The following PRKCE variants were observed in gnomAD, a reference collection of about 807,000 sequenced individuals.
The protein encoded by PRKCE is protein kinase C epsilon type.
A neutral mutation model predicts 85.4 loss-of-function variants in PRKCE; 16 were observed. The ratio of observed to expected loss-of-function variants is 0.19; its 90% CI spans 0.13 to 0.28. The LOEUF (loss-of-function observed/expected upper bound fraction) is 0.28, where lower values mean the gene tolerates loss of function less well. Ranked by LOEUF, PRKCE falls within the 10% of genes least tolerant of loss-of-function variation. The pLI is 1.00. For missense variants in PRKCE, 573 were observed against 975.2 expected, an observed-to-expected ratio of 0.59 and a Z score of 5.49; for synonymous variants, 388 against 371.5, an observed-to-expected ratio of 1.04 and a Z score of -0.51.
intron 10 of PRKCE, among the ~76,000 whole-genome samples, chr2:46,017,489 ATGAATAATGC>A (rs1706268805): frequency 6.6e-6 from 1 of 152,220 alleles, no homozygotes; most frequent in East Asian, 1.9e-4. Flanking sequence ...TTTGGCTACT[ATGAATAATGC>A]TGCTGTGAAC....
chr2:45,937,512 A>G (rs1216995617), intron 2 of PRKCE, among the ~76,000 whole-genome samples: 1 of 152,204 alleles, frequency 6.6e-6, no homozygotes, highest in African/African-American at 2.4e-5. Flanking sequence ...GGAGATGAAG[A>G]CCATCCTGGC....
rs777310331 is a variant in PRKCE at position 46,059,243 on chromosome 2, G to C, written c.1438-26965G>C. 6.6e-4 allele frequency among the ~76,000 whole-genome samples: 100 copies of C among 151,980 alleles called. 1 individual carries two copies. The highest frequency in any genetic ancestry group is 1.9e-4 in the Non-Finnish European group (13 of 68,012). On this transcript the variant is annotated intron_variant, in intron 10 of 14. Coordinates refer to ENST00000306156, the MANE Select transcript of PRKCE (RefSeq NM_005400.3). Reference sequence around the variant, plus strand: ...GTTAAGGCTACAGTGAGCCATGATCGCGCCGTTGCACTCCAGCCTGGATGA... The same window carrying C: ...GTTAAGGCTACAGTGAGCCATGATCCCGCCGTTGCACTCCAGCCTGGATGA...
At chr2:45,665,246 A>C (rs951141547) in intron 1 of PRKCE, among the ~76,000 whole-genome samples, 1 of 152,238 alleles carries the variant, frequency 6.6e-6, no homozygotes, top group Admixed American at 6.5e-5. Flanking sequence ...TCTTCTTTGC[A>C]ACCATAGAAA....
intron 1 of PRKCE, among the ~76,000 whole-genome samples, chr2:45,698,924 A>G (rs1484315783): frequency 6.6e-6 from 1 of 152,210 alleles, no homozygotes; most frequent in Non-Finnish European, 1.5e-5. Flanking sequence ...GAAATTCACC[A>G]TCAGTAGTAG....
At chr2:45,979,133 C>G in intron 4 of PRKCE, 123 bp downstream of exon 4, 2 of 927,086 alleles carry the variant, frequency 2.2e-6, no homozygotes, top group South Asian at 2.9e-5. Context: ...TGCATGCTTT[C>G]TTTGTTCCCA....
intron 1 of PRKCE, among the ~76,000 whole-genome samples, chr2:45,842,292 T>A (rs769164179): frequency 1.4e-4 from 21 of 152,168 alleles, no homozygotes; most frequent in Non-Finnish European, 2.1e-4. Flanking sequence ...CCCTCTTCCC[T>A]TCCGTCTTCT....
Position 45,951,320 on chromosome 2 carries a change from G to C in PRKCE, c.413-25109G>C, listed in dbSNP as rs538731690. On this transcript the variant is annotated intron_variant, in intron 2 of 14. Coordinates refer to ENST00000306156, the MANE Select transcript of PRKCE (RefSeq NM_005400.3). ...TCTAAGGAGGAACCCAGTCCTCTGG[G>C]AAACAGCTTCATACAGACTGTCGAG... 4.6e-5 allele frequency among the ~76,000 whole-genome samples: 7 copies of C among 152,318 alleles called. No homozygotes were observed. In the South Asian group the frequency reaches 8.3e-4, roughly 18 times the overall value.
chr2:45,922,104 T>C (rs1698291297), intron 2 of PRKCE, among the ~76,000 whole-genome samples: 1 of 152,142 alleles, frequency 6.6e-6, no homozygotes, highest in African/African-American at 2.4e-5. Flanking sequence ...TTGGTGTGAA[T>C]GTGGTTCCTA....
chr2:45,785,558 A>G (rs1686536186), intron 1 of PRKCE, among the ~76,000 whole-genome samples: 2 of 152,158 alleles, frequency 1.3e-5, no homozygotes, highest in Non-Finnish European at 2.9e-5. Context: ...GAGGCAGTGC[A>G]TGACTGGCAG....
intron 10 of PRKCE, among the ~76,000 whole-genome samples, chr2:46,076,637 A>G (rs62129019): frequency 0.44 from 67,211 of 152,070 alleles, 17,560 homozygotes; most frequent in Non-Finnish European, 0.56. Flanking sequence ...TTTCTCAACC[A>G]GCAGACTATA....
At chr2:46,132,607 G>A (rs1482412746) in intron 11 of PRKCE, among the ~76,000 whole-genome samples, 1 of 152,170 alleles carries the variant, frequency 6.6e-6, no homozygotes, top group Admixed American at 6.5e-5. Flanking sequence ...CTGAGCCTGT[G>A]CAGCCTCGTT....
intron 12 of PRKCE, among the ~76,000 whole-genome samples, chr2:46,150,826 C>T (rs1389232191): frequency 6.6e-6 from 1 of 152,194 alleles, no homozygotes; most frequent in Admixed American, 6.5e-5. Flanking sequence ...GACAGACTGT[C>T]GATGTTGACT....
intron 10 of PRKCE, among the ~76,000 whole-genome samples, chr2:46,040,519 C>T (rs1313090192): frequency 6.6e-6 from 1 of 152,040 alleles, no homozygotes. Context: ...CATGGTGGGG[C>T]CTGGGGGAGC....
At chr2:45,657,826 A>C (rs1249660211) in intron 1 of PRKCE, among the ~76,000 whole-genome samples, 1 of 152,166 alleles carries the variant, frequency 6.6e-6, no homozygotes, top group Non-Finnish European at 1.5e-5. Context: ...TTAGGCTCTG[A>C]GGCCGTTCTC....
At chr2:45,942,852 A>G (rs887023360) in intron 2 of PRKCE, among the ~76,000 whole-genome samples, 1 of 152,222 alleles carries the variant, frequency 6.6e-6, no homozygotes, top group Non-Finnish European at 1.5e-5. Flanking sequence ...TTCATTTTTA[A>G]TTAAACATCA....
chr2:45,948,315 A>G (rs1242647107), intron 2 of PRKCE, among the ~76,000 whole-genome samples: 2 of 152,146 alleles, frequency 1.3e-5, no homozygotes, highest in East Asian at 1.9e-4. Flanking sequence ...TTTAGTGACA[A>G]CCTAATAAAC....
Position 45,931,570 on chromosome 2 carries a change from TC to T in PRKCE, c.413-44856del, listed in dbSNP as rs1394405578. Among the ~76,000 whole-genome samples, 3 of 152,340 alleles carry T rather than the reference TC, an allele frequency of 2.0e-5. No homozygotes were observed. In the East Asian group the frequency reaches 5.8e-4, roughly 29 times the overall value. On this transcript the variant is annotated intron_variant, in intron 2 of 14. Transcript: ENST00000306156. ...TTCACCGTTCCATTGGGGCTTAACT[TC>T]CCACCACTGCTGGTGTTCCAAATGT... is the stretch of plus-strand genomic sequence containing the variant.
chr2:45,764,728 C>T (rs1012132146), intron 1 of PRKCE, among the ~76,000 whole-genome samples: 4 of 152,156 alleles, frequency 2.6e-5, no homozygotes, highest in African/African-American at 9.7e-5. Context: ...ATTATTACTT[C>T]CATGCCAGAA....
intron 10 of PRKCE, among the ~76,000 whole-genome samples, chr2:46,081,114 C>T (rs991563828): frequency 8.5e-5 from 13 of 152,180 alleles, no homozygotes; most frequent in African/African-American, 2.4e-4. Flanking sequence ...ACCTCAGCCT[C>T]CCAAGTAGCT....
Sources: gnomAD v4.1 joint callset for allele counts (sites outside exome capture counted in the v4.1 genomes callset) on GRCh38, gnomAD v4.1.1 for gene constraint, MANE v1.5 for transcripts, NCBI Gene and HGNC (gene_info 2026-07-23, HGNC 2026-07-21) for gene names.